Variants in PI4K2A observed in about 807,000 individuals in gnomAD.
The protein encoded by PI4K2A is phosphatidylinositol 4-kinase type 2 alpha, also known as phosphatidylinositol 4-kinase type 2-alpha.
Under a neutral mutation model 55.0 loss-of-function variants are expected in PI4K2A, and 20 were observed. That is an observed-to-expected ratio of 0.36 (90% CI 0.26 to 0.53). The LOEUF is 0.53. Ranked by LOEUF, PI4K2A falls within the 20% of genes least tolerant of loss-of-function variation. The pLI is 0.91. For missense variants in PI4K2A, 463 were observed against 637.1 expected (o/e 0.73, Z 2.94); for synonymous variants, 235 against 258.5 (o/e 0.91, Z 0.87).
rs773385027 is a variant in PI4K2A at position 97,640,790 on chromosome 10, G to A, written c.48G>A (p.Pro16=). 105 of 1,501,650 alleles carry A rather than the reference G, an allele frequency of 7.0e-5. 1 individual carries two copies. In the Middle Eastern group the frequency reaches 1.2e-3, roughly 17 times the overall value. 93.0% of individuals were successfully genotyped at this position (1,501,650 alleles called of 1,614,324 possible). Residue 16 remains proline, a synonymous_variant, in exon 1 of 9, where the codon CCG becomes CCA. Coordinates refer to ENST00000370631, the Ensembl canonical transcript of PI4K2A. ...TGTCCCCCGAGCGGGCCCAACCCCCGGACTACACCTTCCCGTCGGGCTCGG... is the reference window on the plus strand; with the variant it reads ...TGTCCCCCGAGCGGGCCCAACCCCCAGACTACACCTTCCCGTCGGGCTCGG...
chr10:97,650,364 C>G (rs1405348413), intron 1 of PI4K2A, among the ~76,000 whole-genome samples: 1 of 150,036 alleles, frequency 6.7e-6, no homozygotes, highest in Non-Finnish European at 1.5e-5. Context: ...TCACTGCAAC[C>G]TCCGCCCCAT....
At chr10:97,643,186 A>C (rs772036436) in intron 1 of PI4K2A, among the ~76,000 whole-genome samples, 1 of 151,880 alleles carries the variant, frequency 6.6e-6, no homozygotes, top group South Asian at 2.1e-4. Flanking sequence ...GAGTCTCGCC[A>C]TGTTGCCCTG....
chr10:97,640,690 C>T, exon 1 of PI4K2A: 1 of 1,307,214 alleles, frequency 7.6e-7, no homozygotes. Flanking sequence ...TGGTCGCGGC[C>T]GCGAGCGCAG....
Position 97,656,260 on chromosome 10 carries a change from T to C in PI4K2A, c.637-25T>C, listed in dbSNP as rs2041553652. The C allele has an allele frequency of 6.2e-7, 1 of 1,603,794 alleles. No individual in the cohort carries two copies. Among genetic ancestry groups the C allele is most frequent in the Admixed American group, 1.7e-5 (1 of 59,772 alleles). ...GGTTCCTTAAACTTGACTCTAACCTTAGTATCTCTTCTCTTTCACTGTAGG... is the reference window on the plus strand; with the variant it reads ...GGTTCCTTAAACTTGACTCTAACCTCAGTATCTCTTCTCTTTCACTGTAGG... On this transcript the variant is annotated intron_variant, in intron 2 of 8. Coordinates refer to ENST00000370631, the Ensembl canonical transcript of PI4K2A. The surrounding 1 kb of genome is among the most constrained non-coding windows in gnomAD (Gnocchi z 4.5).
intron 4 of PI4K2A, among the ~76,000 whole-genome samples, chr10:97,658,702 TTC>T (rs1258414730): frequency 6.6e-6 from 1 of 152,220 alleles, no homozygotes; most frequent in East Asian, 1.9e-4. Context: ...ACTTACTGTT[TTC>T]TGTTTTTTCC....
intron 6 of PI4K2A, 45 bp from the exon 7 acceptor site, chr10:97,666,393 G>C (rs1359094044): frequency 1.3e-6 from 2 of 1,593,580 alleles, no homozygotes; most frequent in African/African-American, 1.3e-5. Flanking sequence ...GATGAGCAGG[G>C]ACTTTTCCAA....
At chr10:97,657,067 C>T in intron 4 of PI4K2A, 93 bp downstream of exon 4, 1 of 1,219,532 alleles carries the variant, frequency 8.2e-7, no homozygotes, top group Non-Finnish European at 1.2e-6. Context: ...GTCAGAGTAC[C>T]TTGTCCAGAC....
intron 8 of PI4K2A, among the ~76,000 whole-genome samples, chr10:97,672,550 C>T (rs190472208): frequency 1.3e-5 from 2 of 151,998 alleles, no homozygotes; most frequent in East Asian, 3.9e-4. Flanking sequence ...TTTGATAGTT[C>T]CCTGGTTAAA....
chr10:97,661,657 G>GGTTAATAT (rs1279952796), intron 4 of PI4K2A, among the ~76,000 whole-genome samples: 5 of 151,448 alleles, frequency 3.3e-5, no homozygotes, highest in Admixed American at 6.6e-5. Context: ...TGACTGGCCA[G>GGTTAATAT]GTTAATATGT....
intron 1 of PI4K2A, among the ~76,000 whole-genome samples, chr10:97,647,362 G>T (rs1178408498): frequency 6.6e-6 from 1 of 152,206 alleles, no homozygotes; most frequent in Non-Finnish European, 1.5e-5. Context: ...AGAGTGGATG[G>T]TGAGGAAAAA....
chr10:97,670,021 C>G (rs748374734), intron 8 of PI4K2A, among the ~76,000 whole-genome samples: 2 of 152,172 alleles, frequency 1.3e-5, no homozygotes, highest in Non-Finnish European at 2.9e-5. Context: ...GTCCTCCCCC[C>G]TCAGCCTCCT....
intron 1 of PI4K2A, among the ~76,000 whole-genome samples, chr10:97,642,924 CCTTTCTTT>C (rs199787458): frequency 1.1e-4 from 12 of 113,614 alleles, no homozygotes; most frequent in African/African-American, 3.3e-4. Flanking sequence ...TTCCTTCCTT[CCTTTCTTT>C]CCTTTCTTTC....
exon 1 of PI4K2A, chr10:97,640,715 C>A: frequency 6.9e-7 from 1 of 1,442,344 alleles, no homozygotes. Context: ...GTGGAGCGCG[C>A]CGGGTCCCGG....
chr10:97,667,706 T>C (rs1190485166), intron 8 of PI4K2A, among the ~76,000 whole-genome samples: 1 of 152,234 alleles, frequency 6.6e-6, no homozygotes, highest in Admixed American at 6.5e-5. Flanking sequence ...CTCTCTGTCC[T>C]AGAGTTGCTC....
At chr10:97,672,805 C>G (rs2041643173) in intron 8 of PI4K2A, among the ~76,000 whole-genome samples, 1 of 134,834 alleles carries the variant, frequency 7.4e-6, no homozygotes, top group East Asian at 2.3e-4. Context: ...GATCTCAGCT[C>G]ACTGCAACCT....
intron 1 of PI4K2A, among the ~76,000 whole-genome samples, chr10:97,650,270 T>C (rs1405338636): frequency 1.8e-5 from 2 of 113,214 alleles, no homozygotes; most frequent in Non-Finnish European, 3.6e-5. Flanking sequence ...CTGAATTGGC[T>C]TCTGTACCTT....
At chr10:97,642,557 C>T (rs1289826168) in intron 1 of PI4K2A, among the ~76,000 whole-genome samples, 1 of 151,894 alleles carries the variant, frequency 6.6e-6, no homozygotes, top group African/African-American at 2.4e-5. Context: ...TGCACCACCA[C>T]ACCCAGCTAA....
chr10:97,658,348 T>C, intron 4 of PI4K2A, among the ~76,000 whole-genome samples: 1 of 152,392 alleles, frequency 6.6e-6, no homozygotes, highest in South Asian at 2.1e-4. Context: ...ACATCTATGA[T>C]GTAGTATATA....
chr10:97,660,235 T>A (rs2041574868), intron 4 of PI4K2A, among the ~76,000 whole-genome samples: 2 of 150,692 alleles, frequency 1.3e-5, no homozygotes, highest in African/African-American at 2.4e-5. Context: ...TCTCCTGACC[T>A]CGTGATCTGC....
Sources: allele counts gnomAD v4.1 joint callset (sites outside exome capture counted in the v4.1 genomes callset), GRCh38; gene constraint gnomAD v4.1.1; non-coding constraint Gnocchi (gnomAD v3.1); transcripts MANE v1.5; gene names NCBI Gene and HGNC (gene_info 2026-07-23, HGNC 2026-07-21).